INTS9: variants seen among roughly 807,000 people sequenced by gnomAD.
The protein encoded by INTS9 is protein related to CPSF subunits of 74 kDa.
In INTS9, 55 loss-of-function variants were observed where a neutral mutation model predicts 79.7. The ratio of observed to expected loss-of-function variants is 0.69; its 90% CI spans 0.56 to 0.86. The LOEUF (loss-of-function observed/expected upper bound fraction) is 0.86. Among genes scored for constraint, INTS9 ranks in the 40% least tolerant of loss-of-function variants. The pLI, the probability that INTS9 is intolerant of heterozygous loss-of-function variation, is 0.00. For missense variants in INTS9, 721 were observed against 831.5 expected, an observed-to-expected ratio of 0.87 and a Z score of 1.64; for synonymous variants, 319 against 325.2, an observed-to-expected ratio of 0.98 and a Z score of 0.20.
chr8:28,812,518 G>A lies in INTS9; in HGVS notation c.610-57C>T, dbSNP rs992982484. 3 of 1,555,488 alleles carry A rather than the reference G, an allele frequency of 1.9e-6. No homozygotes were observed. In the African/African-American group the frequency reaches 4.1e-5, roughly 21 times the overall value. On this transcript the variant is annotated intron_variant, in intron 7 of 16. Transcript: ENST00000521022. Reference sequence around the variant, plus strand: ...GAGCTTACAGTGACAGTCACATGAGGTAATTCTGCAGGGAAAAACAACAGA... The same window carrying A: ...GAGCTTACAGTGACAGTCACATGAGATAATTCTGCAGGGAAAAACAACAGA...
chr8:28,859,397 C>A (rs367843459), intron 2 of INTS9, 39 bp downstream of exon 2: 42 of 1,606,920 alleles, frequency 2.6e-5, no homozygotes, highest in Non-Finnish European at 3.5e-5. Flanking sequence ...TTTCAGCAAA[C>A]TTAAAGCTCA....
chr8:28,882,713 G>A (rs1809963189), intron 1 of INTS9, among the ~76,000 whole-genome samples: 1 of 152,102 alleles, frequency 6.6e-6, no homozygotes, highest in African/African-American at 2.4e-5. Flanking sequence ...CAAAAAAGGT[G>A]TTAGTTTTAC....
At chr8:28,808,319 G>A (rs1198307761) in intron 8 of INTS9, among the ~76,000 whole-genome samples, 2 of 151,494 alleles carry the variant, frequency 1.3e-5, no homozygotes, top group African/African-American at 4.9e-5. Context: ...TCAGCCTCCC[G>A]AGTATTTGGG....
chr8:28,864,104 A>G (rs1808600767), intron 1 of INTS9, among the ~76,000 whole-genome samples: 2 of 152,228 alleles, frequency 1.3e-5, no homozygotes, highest in South Asian at 4.1e-4. Context: ...GCACACTGGG[A>G]GGTCAAGGCA....
chr8:28,784,835 C>T (rs1430257101), intron 11 of INTS9, among the ~76,000 whole-genome samples: 1 of 152,234 alleles, frequency 6.6e-6, no homozygotes, highest in African/African-American at 2.4e-5. Context: ...CTCATCTACA[C>T]ACCCGATTCA....
chr8:28,779,124 G>A (rs1563244662), intron 12 of INTS9, among the ~76,000 whole-genome samples: 1 of 152,072 alleles, frequency 6.6e-6, no homozygotes, highest in Non-Finnish European at 1.5e-5. Flanking sequence ...GTCAAATGTC[G>A]AGTCACCACT....
chr8:28,811,158 T>G (rs955246157), intron 8 of INTS9, among the ~76,000 whole-genome samples: 2 of 150,308 alleles, frequency 1.3e-5, no homozygotes, highest in African/African-American at 4.9e-5. Context: ...AGATGGAGTC[T>G]CACTCTGTCA....
In INTS9 at chr8:28,872,709, T is replaced by C. The variant is rs552788612; in HGVS notation, c.10-13146A>G. ...CAAAGAGGAAGTCATGGATTACAGA[T>C]GGTGGAGCTACAAGCTATCAGGAGA... On this transcript the variant is annotated intron_variant, in intron 1 of 16. Transcript: ENST00000521022. Among the ~76,000 whole-genome samples, 16 of 152,260 alleles carry C rather than the reference T, an allele frequency of 1.1e-4. No homozygotes were observed. In the South Asian group the frequency reaches 1.9e-3, roughly 18 times the overall value.
intron 4 of INTS9, among the ~76,000 whole-genome samples, chr8:28,842,672 T>C (rs1354388524): frequency 6.6e-6 from 1 of 152,178 alleles, no homozygotes; most frequent in Non-Finnish European, 1.5e-5. Context: ...TCCCACTTTT[T>C]TTTTTTGTCA....
At chr8:28,803,156 C>G (rs1410714051) in intron 8 of INTS9, among the ~76,000 whole-genome samples, 1 of 151,896 alleles carries the variant, frequency 6.6e-6, no homozygotes, top group Non-Finnish European at 1.5e-5. Context: ...CAAGCCCTAA[C>G]GTCTAGGTAT....
chr8:28,889,186 G>T (rs1472347131), intron 1 of INTS9, among the ~76,000 whole-genome samples: 1 of 152,142 alleles, frequency 6.6e-6, no homozygotes, highest in African/African-American at 2.4e-5. Context: ...CAAATCAAAG[G>T]TCTGAGGAGC....
intron 1 of INTS9, among the ~76,000 whole-genome samples, chr8:28,867,897 G>T (rs10104485): frequency 0.45 from 68,041 of 151,946 alleles, 16,711 homozygotes; most frequent in Non-Finnish European, 0.56. Flanking sequence ...AATGCCATGA[G>T]GTAGGAATCA....
At chr8:28,781,063 G>A in intron 11 of INTS9, 69 bp from the exon 12 acceptor site, 1 of 1,270,042 alleles carries the variant, frequency 7.9e-7, no homozygotes, top group Non-Finnish European at 1.1e-6. Context: ...CAAAGTACGG[G>A]AGGGTGAGCG....
At chr8:28,833,854 G>A (rs889701413) in intron 6 of INTS9, among the ~76,000 whole-genome samples, 1 of 152,092 alleles carries the variant, frequency 6.6e-6, no homozygotes, top group Non-Finnish European at 1.5e-5. Context: ...GATCATGGAA[G>A]TGGAATCAAG....
chr8:28,813,209 T>C (rs1805258374), intron 7 of INTS9, among the ~76,000 whole-genome samples: 1 of 152,146 alleles, frequency 6.6e-6, no homozygotes, highest in Admixed American at 6.5e-5. Flanking sequence ...TCTCTTCCCG[T>C]TTCACCCATC....
intron 8 of INTS9, among the ~76,000 whole-genome samples, chr8:28,802,528 T>C (rs1804579224): frequency 6.6e-6 from 1 of 152,224 alleles, no homozygotes; most frequent in South Asian, 2.1e-4. Flanking sequence ...CCCATTTGAC[T>C]GGCTGTGCTT....
At chr8:28,790,911 C>T (rs976917356) in intron 10 of INTS9, among the ~76,000 whole-genome samples, 7 of 152,218 alleles carry the variant, frequency 4.6e-5, no homozygotes, top group African/African-American at 2.4e-5. Context: ...ACCGTCAATG[C>T]CCTCAGGGAC....
At chr8:28,793,770 TA>T in intron 10 of INTS9, 36 bp downstream of exon 10, 1 of 1,396,914 alleles carries the variant, frequency 7.2e-7, no homozygotes, top group Non-Finnish European at 9.4e-7. Context: ...CTGAATCAAA[TA>T]AAATTCACAA....
At chr8:28,822,457 A>G (rs1805890918) in intron 6 of INTS9, among the ~76,000 whole-genome samples, 1 of 152,212 alleles carries the variant, frequency 6.6e-6, no homozygotes, top group South Asian at 2.1e-4. Flanking sequence ...CATACACAAT[A>G]TGTAAACAAG....
Sources: allele counts gnomAD v4.1 joint callset (sites outside exome capture counted in the v4.1 genomes callset), GRCh38; gene constraint gnomAD v4.1.1; transcripts MANE v1.5; gene names NCBI Gene and HGNC (gene_info 2026-07-23, HGNC 2026-07-21).